The following ADAMTS20 variants were observed in gnomAD, a reference collection of about 807,000 sequenced individuals.
The protein encoded by ADAMTS20 is ADAM metallopeptidase with thrombospondin type 1 motif 20, also known as A disintegrin and metalloproteinase with thrombospondin motifs 20.
Under a neutral mutation model 260.1 loss-of-function variants are expected in ADAMTS20, and 225 were observed. The ratio of observed to expected loss-of-function variants is 0.87; its 90% CI spans 0.78 to 0.97. ADAMTS20 has a LOEUF of 0.97. Among genes scored for constraint, ADAMTS20 ranks in the 50% least tolerant of loss-of-function variants. ADAMTS20 has a pLI of 0.00. For missense variants in ADAMTS20, 2,400 were observed against 2,337.7 expected (o/e 1.03, Z -0.55); for synonymous variants, 802 against 769.5 (o/e 1.04, Z -0.70).
Position 43,354,017 on chromosome 12 carries a change from G to C in ADAMTS20, c.*192C>G. On this transcript the variant is annotated 3_prime_UTR_variant, in exon 39 of 39. Transcript: ENST00000389420. ...CCTGATTAGATATAAAATAAATTAA[G>C]ATAGCTCTTAAATTTCTTTTATAGA... The C allele has an allele frequency of 2.5e-6, 1 of 398,902 alleles. No homozygotes were observed. Among genetic ancestry groups the C allele is most frequent in the Non-Finnish European group, 4.5e-6 (1 of 223,002 alleles). The allele number at this position is 398,902 out of a possible 1,614,324, so 24.7% of individuals were successfully genotyped here.
intron 37 of ADAMTS20, among the ~76,000 whole-genome samples, chr12:43,358,635 G>C (rs1486886095): frequency 1.3e-5 from 2 of 151,482 alleles, no homozygotes; most frequent in African/African-American, 2.4e-5. Flanking sequence ...TCAGGAGATC[G>C]AGACCATCCT....
chr12:43,548,167 T>C (rs1302071406), intron 2 of ADAMTS20, among the ~76,000 whole-genome samples: 4 of 152,152 alleles, frequency 2.6e-5, no homozygotes, highest in Non-Finnish European at 5.9e-5. Context: ...CCATTCATGA[T>C]TAAAAGCAAA....
chr12:43,428,698 TCGGGGTAAGTGGGCACAA>T lies in ADAMTS20; in HGVS notation c.3573_3590del (p.Tyr1191_Arg1197delinsTer), dbSNP rs773735378. 14 of 1,612,280 alleles carry T rather than the reference TCGGGGTAAGTGGGCACAA, an allele frequency of 8.7e-6. No homozygotes were observed. Among genetic ancestry groups the T allele is most frequent in the Non-Finnish European group, 1.0e-5 (12 of 1,178,854 alleles). ...TAAAACAGTCCCATATTTCAGCAGG[TCGGGGTAAGTGGGCACAA>T]TATGATTCATCTGCTATTCTATCAA... On this transcript the variant is annotated stop_gained and inframe_deletion, in exon 25 of 39. Transcript: ENST00000389420. LOFTEE classifies it high-confidence loss of function.
chr12:43,472,003 T>G (rs1942272075), intron 7 of ADAMTS20, among the ~76,000 whole-genome samples: 1 of 152,100 alleles, frequency 6.6e-6, no homozygotes, highest in East Asian at 1.9e-4. Flanking sequence ...TTTGACGAGC[T>G]GAGAGAAGAA....
intron 3 of ADAMTS20, among the ~76,000 whole-genome samples, chr12:43,525,552 A>G (rs1041022968): frequency 3.3e-5 from 5 of 152,218 alleles, no homozygotes; most frequent in African/African-American, 1.2e-4. Flanking sequence ...AATGGCCTAC[A>G]TTCTCCACTT....
chr12:43,485,860 T>C (rs1228035793), intron 7 of ADAMTS20, among the ~76,000 whole-genome samples: 2 of 152,062 alleles, frequency 1.3e-5, no homozygotes, highest in Non-Finnish European at 2.9e-5. Flanking sequence ...GGAATACACT[T>C]AACCAAGGAG....
chr12:43,358,754 G>A (rs1025074854), intron 37 of ADAMTS20, among the ~76,000 whole-genome samples: 81 of 148,278 alleles, frequency 5.5e-4, no homozygotes, highest in African/African-American at 1.7e-3. Context: ...GGAGAATGGC[G>A]TGAACCCGGG....
intron 3 of ADAMTS20, among the ~76,000 whole-genome samples, chr12:43,529,964 T>C (rs1267650187): frequency 6.6e-6 from 1 of 152,176 alleles, no homozygotes; most frequent in Admixed American, 6.6e-5. Context: ...ATTAATTAAT[T>C]GCCTTTATTA....
rs771478840 is a variant in ADAMTS20, at chr12:43,431,466, G to T, written c.3127C>A (p.Gln1043Lys). The change falls in exon 22 of 39, where the codon CAG (glutamine) becomes AAG (lysine). Residue 1043 changes from glutamine to lysine, a missense_variant. Transcript: ENST00000389420. ...TTCAGCTGACACCATACCTGCCGCT[G>T]CTTTGTTCCTTTACCACATGTAACA... is the stretch of plus-strand genomic sequence containing the variant. ...CLVTCGKGTK[Q>K]RQVWCQLNVD... 2.5e-6 allele frequency: 4 copies of T among 1,613,928 alleles called. No individual in the cohort carries two copies. The highest frequency in any genetic ancestry group is 3.4e-6 in the Non-Finnish European group (4 of 1,179,846).
At chr12:43,423,980 A>G in intron 28 of ADAMTS20, 1 of 679,184 alleles carries the variant, frequency 1.5e-6, no homozygotes. Flanking sequence ...TTGACTATAA[A>G]GATGAATTTC....
chr12:43,527,928 C>G (rs951207031), intron 3 of ADAMTS20, among the ~76,000 whole-genome samples: 1 of 151,840 alleles, frequency 6.6e-6, no homozygotes, highest in Non-Finnish European at 1.5e-5. Context: ...TGATTGTATA[C>G]CTAGAAAAGA....
chr12:43,522,242 C>T (rs941307427), intron 3 of ADAMTS20, among the ~76,000 whole-genome samples: 2 of 152,090 alleles, frequency 1.3e-5, no homozygotes, highest in Non-Finnish European at 2.9e-5. Context: ...AAATGCCAGA[C>T]ACTTAGAAAA....
chr12:43,514,419 G>T (rs1307593906), intron 3 of ADAMTS20, among the ~76,000 whole-genome samples: 1 of 151,666 alleles, frequency 6.6e-6, no homozygotes, highest in Admixed American at 6.6e-5. Flanking sequence ...AAAATCAGTT[G>T]GGTGTAGTGG....
chr12:43,481,971 C>G (rs6582466), intron 7 of ADAMTS20, among the ~76,000 whole-genome samples: 49,613 of 151,976 alleles, frequency 0.33, 8,732 homozygotes, highest in East Asian at 0.75. Context: ...AGCCTGCCAC[C>G]GTGACACACA....
At chr12:43,382,990 A>T (rs1384529900) in intron 31 of ADAMTS20, among the ~76,000 whole-genome samples, 2 of 152,214 alleles carry the variant, frequency 1.3e-5, no homozygotes, top group African/African-American at 4.8e-5. Flanking sequence ...AGACAAAAAA[A>T]GTATGTACTG....
chr12:43,513,603 C>T (rs1268649090), intron 3 of ADAMTS20, among the ~76,000 whole-genome samples: 1 of 152,104 alleles, frequency 6.6e-6, no homozygotes, highest in Non-Finnish European at 1.5e-5. Flanking sequence ...TATAAAAACA[C>T]ATGTACACGT....
At chr12:43,501,478 C>CGT (rs1352739866) in intron 4 of ADAMTS20, among the ~76,000 whole-genome samples, 2 of 86,632 alleles carry the variant, frequency 2.3e-5, no homozygotes, top group Admixed American at 1.0e-4. Flanking sequence ...CGCGCGCGCG[C>CGT]GCGCACACAC....
At chr12:43,358,639 C>T (rs1296547121) in intron 37 of ADAMTS20, among the ~76,000 whole-genome samples, 1 of 151,594 alleles carries the variant, frequency 6.6e-6, no homozygotes, top group Non-Finnish European at 1.5e-5. Flanking sequence ...GAGATCGAGA[C>T]CATCCTGGCT....
At chr12:43,454,526 C>G (rs1172907430) in intron 11 of ADAMTS20, among the ~76,000 whole-genome samples, 2 of 152,206 alleles carry the variant, frequency 1.3e-5, no homozygotes, top group African/African-American at 4.8e-5. Context: ...AATCTACCCA[C>G]AGTCTCTCAC....
Sources: gnomAD v4.1 joint callset for allele counts (sites outside exome capture counted in the v4.1 genomes callset) on GRCh38, gnomAD v4.1.1 for gene constraint, MANE v1.5 for transcripts, NCBI Gene and HGNC (gene_info 2026-07-23, HGNC 2026-07-21) for gene names.